The following OSBPL3 variants were observed in gnomAD, a reference collection of about 807,000 sequenced individuals.
OSBPL3 encodes the protein oxysterol-binding protein-related protein 3.
OSBPL3 carries 65 observed loss-of-function variants against 120.1 expected under a neutral mutation model. The ratio of observed to expected loss-of-function variants is 0.54; its 90% CI spans 0.44 to 0.67. The LOEUF (loss-of-function observed/expected upper bound fraction) is 0.67. Ranked by LOEUF, OSBPL3 falls within the 30% of genes least tolerant of loss-of-function variation. OSBPL3 has a pLI of 0.00. For synonymous variants in OSBPL3, 416 were observed against 402.6 expected (o/e 1.03, Z -0.40); for missense variants, 1,004 against 1,082.1 (o/e 0.93, Z 1.01).
Position 24,940,880 on chromosome 7 carries a change from C to T in OSBPL3, c.-150+39006G>A, listed in dbSNP as rs1020729843. ...TGTCGCCCAGGCTGGAGTGCACTGG[C>T]GCGATCTCGGCTCACTGCAAGCTCT... On this transcript the variant is annotated intron_variant, in intron 1 of 22. Transcript: ENST00000313367. The surrounding 1 kb of genome is among the most constrained non-coding windows in gnomAD (Gnocchi z 4.4). Among the ~76,000 whole-genome samples the T allele has an allele frequency of 1.3e-4, 20 of 150,330 alleles. No homozygotes were observed. Among genetic ancestry groups the T allele is most frequent in the Admixed American group, 4.7e-4 (7 of 15,044 alleles).
At chr7:24,942,084 T>G (rs889397762) in intron 1 of OSBPL3, among the ~76,000 whole-genome samples, 5 of 151,952 alleles carry the variant, frequency 3.3e-5, no homozygotes, top group African/African-American at 1.2e-4. Flanking sequence ...TCCAAGTACT[T>G]TGGGCACCAC....
chr7:24,840,379 T>C (rs1797594291), intron 14 of OSBPL3, among the ~76,000 whole-genome samples: 1 of 152,226 alleles, frequency 6.6e-6, no homozygotes, highest in African/African-American at 2.4e-5. Context: ...ACCAGGATGA[T>C]GACCTTTATG....
At chr7:24,908,367 T>G (rs757143567) in intron 1 of OSBPL3, among the ~76,000 whole-genome samples, 1 of 152,222 alleles carries the variant, frequency 6.6e-6, no homozygotes, top group Non-Finnish European at 1.5e-5. Flanking sequence ...TGATTGAATC[T>G]CCTTTTTATC....
rs753425945 is a variant in OSBPL3, at chr7:24,821,648, C to T, written c.1885-1410G>A. On this transcript the variant is annotated intron_variant, in intron 16 of 22. Coordinates refer to ENST00000313367, the MANE Select transcript of OSBPL3 (RefSeq NM_015550.4). This position sits in a 1 kb window ranked among gnomAD's most constrained non-coding sequence, Gnocchi z 5.5. ...GGCCAAAGAAAGGTAGAGACAAAGACGTAAATCATGTAGGCATCTTTCAGA... is the reference window on the plus strand; with the variant it reads ...GGCCAAAGAAAGGTAGAGACAAAGATGTAAATCATGTAGGCATCTTTCAGA... 2.0e-5 allele frequency among the ~76,000 whole-genome samples: 3 copies of T among 152,316 alleles called. No individual in the cohort carries two copies. Among genetic ancestry groups the T allele is most frequent in the Non-Finnish European group, 4.4e-5 (3 of 68,040 alleles).
At chr7:24,865,991 G>A (rs1801258410) in intron 6 of OSBPL3, 79 bp downstream of exon 6, 17 of 1,202,634 alleles carry the variant, frequency 1.4e-5, no homozygotes, top group Middle Eastern at 2.0e-4. Context: ...TTCCTTCTTC[G>A]GACTCAGCTC....
chr7:24,931,264 A>T (rs1366969754), intron 1 of OSBPL3, among the ~76,000 whole-genome samples: 1 of 152,160 alleles, frequency 6.6e-6, no homozygotes, highest in Non-Finnish European at 1.5e-5. Flanking sequence ...TAATTTGGGA[A>T]CTCTGGGTTA....
At chr7:24,910,746 T>C (rs1808702324) in intron 1 of OSBPL3, among the ~76,000 whole-genome samples, 1 of 151,524 alleles carries the variant, frequency 6.6e-6, no homozygotes, top group South Asian at 2.1e-4. Context: ...GGGGCTGGAG[T>C]TGTGAGAAAA....
At chr7:24,978,490 G>A (rs1817828431) in intron 1 of OSBPL3, among the ~76,000 whole-genome samples, 1 of 152,186 alleles carries the variant, frequency 6.6e-6, no homozygotes, top group South Asian at 2.1e-4. Flanking sequence ...AAATTTAAGT[G>A]CTATGAGCAA....
rs1811896819 is a variant in OSBPL3, at chr7:24,932,411, T to C, written c.-149-39790A>G. Among the ~76,000 whole-genome samples, 1 of 151,552 alleles carries C rather than the reference T, an allele frequency of 6.6e-6. No individual in the cohort carries two copies. The highest frequency in any genetic ancestry group is 2.4e-5 in the African/African-American group (1 of 41,198). On this transcript the variant is annotated intron_variant, in intron 1 of 22. Coordinates refer to ENST00000313367, the MANE Select transcript of OSBPL3 (RefSeq NM_015550.4). This position sits in a 1 kb window ranked among gnomAD's most constrained non-coding sequence, Gnocchi z 5.6. Reference sequence around the variant, plus strand: ...AGGATCATAAACATCCTAGAGAAAATGAAAGGGAAAAGGGGGTGCTCTGGT... The same window carrying C: ...AGGATCATAAACATCCTAGAGAAAACGAAAGGGAAAAGGGGGTGCTCTGGT...
At chr7:24,915,346 C>T (rs1809391336) in intron 1 of OSBPL3, among the ~76,000 whole-genome samples, 1 of 152,170 alleles carries the variant, frequency 6.6e-6, no homozygotes, top group South Asian at 2.1e-4. Context: ...CAGGCAAAGT[C>T]TTTAAAATTC....
In OSBPL3 at chr7:24,936,971, A is replaced by ATAC. The variant is rs1276132547; in HGVS notation, c.-150+42912_-150+42914dup. 1.3e-5 allele frequency among the ~76,000 whole-genome samples: 2 copies of ATAC among 152,184 alleles called. No homozygotes were observed. Among genetic ancestry groups the ATAC allele is most frequent in the Non-Finnish European group, 2.9e-5 (2 of 68,034 alleles). On this transcript the variant is annotated intron_variant, in intron 1 of 22. Coordinates refer to ENST00000313367, the MANE Select transcript of OSBPL3 (RefSeq NM_015550.4). The surrounding 1 kb of genome is among the most constrained non-coding windows in gnomAD (Gnocchi z 4.2). ...GCAACAGCAGTTGTCATAGAAAAGGATACTGTATTAGTCCATTCTTGTGCT... is the reference window on the plus strand; with the variant it reads ...GCAACAGCAGTTGTCATAGAAAAGGATACTACTGTATTAGTCCATTCTTGTGCT...
chr7:24,914,038 A>C (rs573103348), intron 1 of OSBPL3, among the ~76,000 whole-genome samples: 2 of 152,278 alleles, frequency 1.3e-5, no homozygotes, highest in African/African-American at 4.8e-5. Context: ...TTAATATTGC[A>C]GTGCAAAGAT....
In OSBPL3 at chr7:24,959,369, T is replaced by C. The variant is rs1371633555; in HGVS notation, c.-150+20517A>G. Among the ~76,000 whole-genome samples the C allele has an allele frequency of 6.6e-6, 1 of 152,074 alleles. No individual in the cohort carries two copies. The highest frequency in any genetic ancestry group is 1.5e-5 in the Non-Finnish European group (1 of 68,000). On this transcript the variant is annotated intron_variant, in intron 1 of 22. Transcript: ENST00000313367. This position sits in a 1 kb window ranked among gnomAD's most constrained non-coding sequence, Gnocchi z 4.3. ...GAATGGATAAATAAATTTTGGCATA[T>C]TAACACAATGCGATTCTAACAGCAA...
chr7:24,937,703 A>C lies in OSBPL3; in HGVS notation c.-150+42183T>G, dbSNP rs1812593420. 6.6e-6 allele frequency among the ~76,000 whole-genome samples: 1 copy of C among 152,230 alleles called. No individual in the cohort carries two copies. On this transcript the variant is annotated intron_variant, in intron 1 of 22. Coordinates refer to ENST00000313367, the MANE Select transcript of OSBPL3 (RefSeq NM_015550.4). This position sits in a 1 kb window ranked among gnomAD's most constrained non-coding sequence, Gnocchi z 4.0. ...CAGGCATAAAACATGAAACACCTTA[A>C]ACCTAACTAATTACTTATTACCAAA...
intron 1 of OSBPL3, among the ~76,000 whole-genome samples, chr7:24,976,099 C>T (rs76718014): frequency 0.032 from 4,829 of 152,234 alleles, 128 homozygotes; most frequent in Non-Finnish European, 0.051. Flanking sequence ...GTCTGAGATC[C>T]ACCATATGTT....
In OSBPL3 at chr7:24,930,775, G is replaced by A. The variant is rs556503348; in HGVS notation, c.-149-38154C>T. On this transcript the variant is annotated intron_variant, in intron 1 of 22. Transcript: ENST00000313367. This position sits in a 1 kb window ranked among gnomAD's most constrained non-coding sequence, Gnocchi z 4.4. ...GAAAGCCTTCTGTGGAGTCTTTAAG[G>A]GTTTAAGAACCTAGGTTGAGGTGAA... 2.0e-5 allele frequency among the ~76,000 whole-genome samples: 3 copies of A among 152,230 alleles called. No homozygotes were observed. The East Asian group carries it at 5.8e-4, about 29-fold the overall frequency.
intron 10 of OSBPL3, among the ~76,000 whole-genome samples, chr7:24,861,060 A>C (rs992467978): frequency 2.6e-5 from 4 of 152,188 alleles, no homozygotes; most frequent in Non-Finnish European, 5.9e-5. Context: ...TGACAGATTA[A>C]ATTTATATGC....
rs1218346108 is a variant in OSBPL3 at position 24,938,120 on chromosome 7, G to GT, written c.-150+41765dup. Among the ~76,000 whole-genome samples the GT allele has an allele frequency of 6.6e-5, 10 of 152,226 alleles. No individual in the cohort carries two copies. The highest frequency in any genetic ancestry group is 2.9e-5 in the Non-Finnish European group (2 of 68,042). ...GAAAGTTTCTGTCCCGCCAAAACTG[G>GT]TATGTTGAAACCTAATCACCAACCT... On this transcript the variant is annotated intron_variant, in intron 1 of 22. Transcript: ENST00000313367. The surrounding 1 kb of genome is among the most constrained non-coding windows in gnomAD (Gnocchi z 5.8).
intron 9 of OSBPL3, 144 bp from the exon 10 acceptor site, chr7:24,861,913 G>A: frequency 2.0e-6 from 1 of 494,246 alleles, no homozygotes; most frequent in Non-Finnish European, 3.4e-6. Context: ...GGGGGATGGA[G>A]TCTCGCTCTG....
Sources: gnomAD v4.1 joint callset for allele counts (sites outside exome capture counted in the v4.1 genomes callset) on GRCh38, gnomAD v4.1.1 for gene constraint, Gnocchi (gnomAD v3.1) non-coding constraint, MANE v1.5 for transcripts, NCBI Gene and HGNC (gene_info 2026-07-23, HGNC 2026-07-21) for gene names.